Variants in THSD7B observed in about 807,000 individuals in gnomAD.
The protein encoded by THSD7B is thrombospondin type 1 domain containing 7B, also known as thrombospondin type-1 domain-containing protein 7B.
THSD7B carries 138 observed loss-of-function variants against 213.6 expected under a neutral mutation model. That is an observed-to-expected ratio of 0.65 (90% CI 0.56 to 0.74). The LOEUF (loss-of-function observed/expected upper bound fraction) is 0.74, where lower values mean the gene tolerates loss of function less well. THSD7B is among the 30% of genes least tolerant of loss of function. THSD7B has a pLI of 0.00. For synonymous variants in THSD7B, 742 were observed against 687.0 expected (o/e 1.08, Z -1.25); for missense variants, 1,931 against 1,991.5 (o/e 0.97, Z 0.58).
At chr2:137,304,764 C>T (rs1425030680) in intron 12 of THSD7B, among the ~76,000 whole-genome samples, 1 of 151,900 alleles carries the variant, frequency 6.6e-6, no homozygotes. Context: ...TTCCTTCTTT[C>T]CGTTTTTGTT....
intron 15 of THSD7B, among the ~76,000 whole-genome samples, chr2:137,517,803 G>T (rs1035244930): frequency 5.3e-5 from 8 of 152,168 alleles, no homozygotes; most frequent in Admixed American, 4.6e-4. Flanking sequence ...CACAGTGGAG[G>T]CCTCTAGGAT....
At chr2:136,834,341 TGA>T (rs1196456211) in intron 1 of THSD7B, among the ~76,000 whole-genome samples, 1 of 152,234 alleles carries the variant, frequency 6.6e-6, no homozygotes, top group East Asian at 1.9e-4. Context: ...TTTGTCAACC[TGA>T]GAGTTGACTT....
chr2:137,310,946 C>G (rs1357199523), intron 12 of THSD7B, among the ~76,000 whole-genome samples: 3 of 151,800 alleles, frequency 2.0e-5, no homozygotes, highest in Non-Finnish European at 2.9e-5. Flanking sequence ...TGTGATGCCT[C>G]CAGCTTTGTT....
intron 7 of THSD7B, among the ~76,000 whole-genome samples, chr2:137,219,745 A>G (rs1681324923): frequency 6.6e-6 from 1 of 152,176 alleles, no homozygotes; most frequent in South Asian, 2.1e-4. Flanking sequence ...TCCAAAATTT[A>G]TTGAGACCTA....
intron 1 of THSD7B, among the ~76,000 whole-genome samples, chr2:136,822,899 A>C (rs1408078442): frequency 6.6e-6 from 1 of 152,186 alleles, no homozygotes; most frequent in Non-Finnish European, 1.5e-5. Context: ...AGCCCTATAC[A>C]TTAATGAAAT....
At chr2:137,176,196 T>C (rs1680354395) in intron 7 of THSD7B, among the ~76,000 whole-genome samples, 1 of 152,198 alleles carries the variant, frequency 6.6e-6, no homozygotes, top group Admixed American at 6.5e-5. Context: ...AAAGAGATGC[T>C]ATAAAATTCG....
At chr2:137,201,244 C>A (rs912833154) in intron 7 of THSD7B, among the ~76,000 whole-genome samples, 1 of 152,044 alleles carries the variant, frequency 6.6e-6, no homozygotes, top group Non-Finnish European at 1.5e-5. Context: ...TTCTTCTTTT[C>A]AAGAGCTGGA....
In THSD7B at chr2:137,039,759, G is replaced by T. The variant is rs1471629223; in HGVS notation, c.140-16661G>T. On this transcript the variant is annotated intron_variant, in intron 2 of 27. Coordinates refer to ENST00000409968, the MANE Select transcript of THSD7B (RefSeq NM_001316349.2). Reference sequence around the variant, plus strand: ...CAGGATTTGGACTAAAGCCTGTATAGCTCTGAAGCACTTTCTACAAACTTG... The same window carrying T: ...CAGGATTTGGACTAAAGCCTGTATATCTCTGAAGCACTTTCTACAAACTTG... 2.0e-5 allele frequency among the ~76,000 whole-genome samples: 3 copies of T among 152,198 alleles called. No individual in the cohort carries two copies. The East Asian group carries it at 5.8e-4, about 29-fold the overall frequency.
At chr2:136,945,163 G>A (rs900384744) in intron 2 of THSD7B, among the ~76,000 whole-genome samples, 1 of 152,142 alleles carries the variant, frequency 6.6e-6, no homozygotes, top group African/African-American at 2.4e-5. Flanking sequence ...AGTTTGGCTG[G>A]ATATGAAATT....
chr2:137,069,715 T>C (rs1428564994), intron 3 of THSD7B, among the ~76,000 whole-genome samples: 2 of 152,016 alleles, frequency 1.3e-5, no homozygotes, highest in Admixed American at 6.6e-5. Context: ...ATTTAAATTT[T>C]ACATTGCTAT....
At chr2:136,935,499 T>G (rs549601539) in intron 2 of THSD7B, among the ~76,000 whole-genome samples, 2 of 152,310 alleles carry the variant, frequency 1.3e-5, no homozygotes, top group Admixed American at 1.3e-4. Flanking sequence ...GATTTGAATA[T>G]GTTCTGAGAT....
chr2:137,435,516 G>A (rs1687273114), intron 14 of THSD7B, among the ~76,000 whole-genome samples: 2 of 152,114 alleles, frequency 1.3e-5, no homozygotes, highest in Non-Finnish European at 2.9e-5. Flanking sequence ...AATGTCCACT[G>A]CAGGGCTTTG....
At chr2:137,045,447 A>G (rs566746037) in intron 2 of THSD7B, among the ~76,000 whole-genome samples, 4 of 152,326 alleles carry the variant, frequency 2.6e-5, no homozygotes, top group Admixed American at 2.6e-4. Flanking sequence ...TCACATCCCC[A>G]GGCAGAAACA....
At chr2:136,951,865 G>T (rs1418634761) in intron 2 of THSD7B, among the ~76,000 whole-genome samples, 2 of 152,078 alleles carry the variant, frequency 1.3e-5, no homozygotes, top group African/African-American at 2.4e-5. Flanking sequence ...TATTTTTATT[G>T]GTTTGTTTGT....
intron 5 of THSD7B, among the ~76,000 whole-genome samples, chr2:137,131,520 A>G (rs941130126): frequency 6.6e-6 from 1 of 152,136 alleles, no homozygotes. Context: ...TAGGTCTAAC[A>G]GGTAAGTCTT....
chr2:136,932,628 T>C (rs1167798624), intron 2 of THSD7B, among the ~76,000 whole-genome samples: 2 of 151,834 alleles, frequency 1.3e-5, no homozygotes, highest in Admixed American at 1.3e-4. Flanking sequence ...GAAGAGAAAA[T>C]ATATTTATTA....
chr2:137,437,677 G>C (rs1243545603), intron 14 of THSD7B, among the ~76,000 whole-genome samples: 1 of 152,102 alleles, frequency 6.6e-6, no homozygotes, highest in Non-Finnish European at 1.5e-5. Context: ...TGATTGGTGA[G>C]GGTGGGATGA....
chr2:137,054,895 T>C (rs950340105), intron 2 of THSD7B, among the ~76,000 whole-genome samples: 5 of 152,206 alleles, frequency 3.3e-5, no homozygotes, highest in Admixed American at 2.0e-4. Context: ...AAGCCCCGCA[T>C]GCATTAGGTA....
At position 137,551,013 on chromosome 2, in the gene THSD7B, A is replaced by G. The variant is rs1573701847; in HGVS notation, c.3139-12208A>G. Among the ~76,000 whole-genome samples, 3 of 151,864 alleles carry G rather than the reference A, an allele frequency of 2.0e-5. No homozygotes were observed. In the South Asian group the frequency reaches 6.2e-4, roughly 31 times the overall value. On this transcript the variant is annotated intron_variant, in intron 15 of 27. Transcript: ENST00000409968. ...TGAAAGTTAAAATATTAAAATAAAT[A>G]AATAAATAAATAATAAAAAAGCAAC...
Sources: allele counts gnomAD v4.1 joint callset (sites outside exome capture counted in the v4.1 genomes callset), GRCh38; gene constraint gnomAD v4.1.1; transcripts MANE v1.5; gene names NCBI Gene and HGNC (gene_info 2026-07-23, HGNC 2026-07-21).